The following NEO1 variants were observed in gnomAD, a reference collection of about 807,000 sequenced individuals.
NEO1 encodes neogenin 1, also known as neogenin.
Under a neutral mutation model 159.7 loss-of-function variants are expected in NEO1, and 63 were observed. The ratio of observed to expected loss-of-function variants is 0.39; its 90% CI spans 0.32 to 0.49. The LOEUF (loss-of-function observed/expected upper bound fraction) is 0.49. Among genes scored for constraint, NEO1 ranks in the 20% least tolerant of loss-of-function variants. The pLI is 0.85. For missense variants in NEO1, 1,615 were observed against 1,831.0 expected (o/e 0.88, Z 2.15); for synonymous variants, 633 against 662.0 (o/e 0.96, Z 0.67).
At chr15:73,249,036 G>A in intron 9 of NEO1, 24 bp from the exon 10 acceptor site, 1 of 1,611,946 alleles carries the variant, frequency 6.2e-7, no homozygotes, top group Non-Finnish European at 8.5e-7. Context: ...TTTATATCTT[G>A]CTTTCTCGAA....
intron 7 of NEO1, among the ~76,000 whole-genome samples, chr15:73,234,090 T>C (rs999001649): frequency 1.3e-5 from 2 of 152,128 alleles, no homozygotes; most frequent in African/African-American, 4.8e-5. Context: ...CAGTAGATAG[T>C]TGGGAAGAAT....
intron 7 of NEO1, among the ~76,000 whole-genome samples, chr15:73,201,773 A>G (rs946153585): frequency 6.6e-6 from 1 of 151,942 alleles, no homozygotes; most frequent in Non-Finnish European, 1.5e-5. Flanking sequence ...TAGGATTGTT[A>G]TGTCTTCTTG....
chr15:73,228,819 G>A (rs1406706492), intron 7 of NEO1, among the ~76,000 whole-genome samples: 3 of 152,080 alleles, frequency 2.0e-5, no homozygotes, highest in Non-Finnish European at 4.4e-5. Context: ...CCCAGCACCA[G>A]TTGTTGAAAA....
chr15:73,192,137 G>C (rs1185635840), intron 7 of NEO1, among the ~76,000 whole-genome samples: 1 of 151,922 alleles, frequency 6.6e-6, no homozygotes, highest in Non-Finnish European at 1.5e-5. Context: ...AGAATTATTG[G>C]GGTAGAGTGG....
chr15:73,199,400 T>C (rs950822877), intron 7 of NEO1, among the ~76,000 whole-genome samples: 1 of 152,044 alleles, frequency 6.6e-6, no homozygotes. Flanking sequence ...CTCTATACTT[T>C]GGAAAAAAGT....
At chr15:73,053,136 A>G (rs1447226168) in intron 1 of NEO1, among the ~76,000 whole-genome samples, 1 of 152,068 alleles carries the variant, frequency 6.6e-6, no homozygotes, top group Non-Finnish European at 1.5e-5. Flanking sequence ...TTGTGCTCAC[A>G]CTAGCACCAG....
At chr15:73,239,505 C>T (rs2039383350) in intron 8 of NEO1, among the ~76,000 whole-genome samples, 1 of 152,202 alleles carries the variant, frequency 6.6e-6, no homozygotes. Flanking sequence ...ACGCTTCAGT[C>T]AGACAGACTG....
chr15:73,287,771 C>T (rs1335868682), intron 23 of NEO1, among the ~76,000 whole-genome samples: 1 of 152,040 alleles, frequency 6.6e-6, no homozygotes, highest in Admixed American at 6.6e-5. Context: ...ATCCCAGCTA[C>T]TCAGGAAGCT....
chr15:73,052,684 G>C lies in NEO1; in HGVS notation c.9G>C (p.Ala3=), dbSNP rs758785109. Residue 3 remains alanine, a synonymous_variant, in exon 1 of 29, where the codon GCG becomes GCC. Transcript: ENST00000261908. ...TCACTCTCGGGGAAGAGATGGCGGC[G>C]GAGCGGGGAGCCCGGCGACTCCTCA... MA[A]ERGARRLLST... 4.3e-5 allele frequency: 58 copies of C among 1,354,244 alleles called. No individual in the cohort carries two copies. In the East Asian group the frequency reaches 1.9e-3, roughly 45 times the overall value. The allele number at this position is 1,354,244 out of a possible 1,614,324, so 83.9% of individuals were successfully genotyped here. A position where few individuals can be genotyped will look rare whatever the true frequency, so the allele number is the denominator to read the frequency against.
At chr15:73,245,297 C>G (rs1039770454) in intron 9 of NEO1, among the ~76,000 whole-genome samples, 2 of 152,062 alleles carry the variant, frequency 1.3e-5, no homozygotes, top group Non-Finnish European at 2.9e-5. Flanking sequence ...TTAGGCATAC[C>G]ATGCTCTTTA....
intron 9 of NEO1, among the ~76,000 whole-genome samples, chr15:73,247,541 G>A (rs905949524): frequency 5.3e-5 from 8 of 152,152 alleles, no homozygotes; most frequent in African/African-American, 7.2e-5. Context: ...AGTGAATAAC[G>A]TGATTCATAA....
intron 5 of NEO1, among the ~76,000 whole-genome samples, chr15:73,138,559 A>G (rs1320655812): frequency 6.6e-6 from 1 of 152,092 alleles, no homozygotes; most frequent in Non-Finnish European, 1.5e-5. Flanking sequence ...GATCGAGATC[A>G]TCCCGGCTAA....
At chr15:73,077,144 A>G (rs1451426892) in intron 1 of NEO1, among the ~76,000 whole-genome samples, 1 of 152,118 alleles carries the variant, frequency 6.6e-6, no homozygotes, top group African/African-American at 2.4e-5. Context: ...CTCAGGTTCT[A>G]GTGATTCTCC....
chr15:73,112,380 T>C (rs1252372151), intron 1 of NEO1, among the ~76,000 whole-genome samples: 6 of 152,162 alleles, frequency 3.9e-5, no homozygotes, highest in Non-Finnish European at 5.9e-5. Flanking sequence ...GACACAATTT[T>C]CCCCCCAATC....
intron 7 of NEO1, among the ~76,000 whole-genome samples, chr15:73,235,669 A>G (rs1342634051): frequency 1.3e-5 from 2 of 152,226 alleles, no homozygotes; most frequent in Admixed American, 1.3e-4. Flanking sequence ...AAATGAATTG[A>G]CAAAACAGCA....
chr15:73,241,301 T>G (rs915454752), intron 8 of NEO1, among the ~76,000 whole-genome samples: 1 of 152,234 alleles, frequency 6.6e-6, no homozygotes, highest in Non-Finnish European at 1.5e-5. Flanking sequence ...GTTAGTCTAG[T>G]CAAGGGGTTA....
intron 28 of NEO1, 168 bp downstream of exon 28, chr15:73,301,625 C>T: frequency 1.1e-6 from 1 of 905,850 alleles, no homozygotes; most frequent in Admixed American, 2.6e-5. Context: ...CTCTTCTGAG[C>T]CGGGAACTGT....
At chr15:73,138,412 A>AGTGTTTGG in intron 5 of NEO1, among the ~76,000 whole-genome samples, 1 of 152,356 alleles carries the variant, frequency 6.6e-6, no homozygotes, top group South Asian at 2.1e-4. Flanking sequence ...TTTTGGAATA[A>AGTGTTTGG]ATACTCAATA....
chr15:73,133,208 C>G (rs1032521820), intron 4 of NEO1, among the ~76,000 whole-genome samples: 1 of 151,786 alleles, frequency 6.6e-6, no homozygotes, highest in Non-Finnish European at 1.5e-5. Flanking sequence ...TATACACATA[C>G]TACTCAGCAA....
Sources: allele counts gnomAD v4.1 joint callset (sites outside exome capture counted in the v4.1 genomes callset), GRCh38; gene constraint gnomAD v4.1.1; transcripts MANE v1.5; gene names NCBI Gene and HGNC (gene_info 2026-07-23, HGNC 2026-07-21).